Variants in SAXO1 observed in about 807,000 individuals in gnomAD.
SAXO1 encodes the protein stabilizer of axonemal microtubules 1, also known as 4930500O09Rik.
Under a neutral mutation model 17.5 loss-of-function variants are expected in SAXO1, and 21 were observed. The observed-to-expected ratio is 1.20, with a 90% CI of 0.85 to 1.72. The LOEUF is 1.72. SAXO1 is among the 40% of genes most tolerant of loss of function. The pLI is 0.00. For synonymous variants in SAXO1, 274 were observed against 216.5 expected (o/e 1.27, Z -2.33); for missense variants, 843 against 596.0 (o/e 1.41, Z -4.32).
At chr9:18,975,542 T>G (rs73431244) in intron 1 of SAXO1, among the ~76,000 whole-genome samples, 21,827 of 152,220 alleles carry the variant, frequency 0.14, 2,989 homozygotes, top group African/African-American at 0.36. Context: ...CAGGTGGCAG[T>G]TATGATTTGC....
intron 1 of SAXO1, among the ~76,000 whole-genome samples, chr9:18,962,653 G>A (rs1057481624): frequency 6.6e-6 from 1 of 150,978 alleles, no homozygotes; most frequent in South Asian, 2.1e-4. Context: ...CTTTTTGATG[G>A]GGTTGTATTT....
At chr9:19,013,623 T>C (rs571370957) in intron 1 of SAXO1, among the ~76,000 whole-genome samples, 122 of 138,456 alleles carry the variant, frequency 8.8e-4, no homozygotes, top group Non-Finnish European at 1.3e-3. Context: ...CTCCGCTCAC[T>C]GCAACCTCTG....
chr9:18,951,241 T>C (rs1183052967), intron 1 of SAXO1, among the ~76,000 whole-genome samples: 1 of 152,138 alleles, frequency 6.6e-6, no homozygotes, highest in East Asian at 1.9e-4. Context: ...GAGAAATGGC[T>C]GTGTCCCCAA....
chr9:19,041,086 T>G (rs894707770), intron 1 of SAXO1, among the ~76,000 whole-genome samples: 2 of 147,284 alleles, frequency 1.4e-5, no homozygotes, highest in African/African-American at 2.5e-5. Flanking sequence ...GATCAACAAA[T>G]ACAGTAACAT....
chr9:19,044,292 C>G (rs1441612563), intron 1 of SAXO1, among the ~76,000 whole-genome samples: 1 of 152,128 alleles, frequency 6.6e-6, no homozygotes, highest in African/African-American at 2.4e-5. Context: ...TATGTACCCA[C>G]AAAAATTAAA....
At chr9:19,018,177 AAAAC>A (rs371515538) in intron 1 of SAXO1, among the ~76,000 whole-genome samples, 95 of 152,168 alleles carry the variant, frequency 6.2e-4, no homozygotes, top group African/African-American at 1.7e-3. Flanking sequence ...CAAAAAAAAA[AAAAC>A]AAACAAACAA....
chr9:18,987,581 G>A (rs545696633), intron 1 of SAXO1, among the ~76,000 whole-genome samples: 56 of 152,248 alleles, frequency 3.7e-4, no homozygotes, highest in African/African-American at 1.3e-3. Context: ...GCAAGGGTGT[G>A]GGTAAGCAAG....
At chr9:18,988,552 G>C (rs144057453) in intron 1 of SAXO1, among the ~76,000 whole-genome samples, 2 of 152,282 alleles carry the variant, frequency 1.3e-5, no homozygotes, top group Non-Finnish European at 2.9e-5. Flanking sequence ...AGTTTATTAA[G>C]TTCTTTCATA....
rs367834317 is a variant in SAXO1, at chr9:18,928,992, G to A, written c.485C>T (p.Pro162Leu). 319 of 1,614,042 alleles carry A rather than the reference G, an allele frequency of 2.0e-4. 4 individuals carry two copies. Among genetic ancestry groups the A allele is most frequent in the South Asian group, 1.6e-3 (144 of 91,078 alleles). ...TCTGTTATCAAACCTGACTGATGCC[G>A]GCTGGTATTTGTGTTCCAGACGAAG... ...EPLRLEHKYQPASVRFDNRTT... is the reference protein window; with the variant it reads ...EPLRLEHKYQLASVRFDNRTT... The change falls in exon 4 of 4, where the codon CCG becomes CTG. Residue 162 changes from proline to leucine, a missense_variant. Pro to Leu is a moderately conservative substitution (Grantham distance 98). Transcript: ENST00000380534.
chr9:18,997,724 T>A (rs551569830), intron 1 of SAXO1, among the ~76,000 whole-genome samples: 1 of 152,266 alleles, frequency 6.6e-6, no homozygotes, highest in Admixed American at 6.5e-5. Context: ...GGCTGACAGA[T>A]ACTTCATACA....
intron 3 of SAXO1, among the ~76,000 whole-genome samples, chr9:18,933,772 C>T (rs896073591): frequency 6.6e-6 from 1 of 152,180 alleles, no homozygotes; most frequent in Non-Finnish European, 1.5e-5. Context: ...TTGGGCCGGG[C>T]ACGGTGGCTC....
intron 1 of SAXO1, among the ~76,000 whole-genome samples, chr9:18,994,643 C>T (rs571836637): frequency 2.6e-5 from 4 of 152,354 alleles, no homozygotes; most frequent in Admixed American, 2.6e-4. Context: ...ATGGAAACCG[C>T]CTGGGCTCAG....
intron 1 of SAXO1, among the ~76,000 whole-genome samples, chr9:19,024,554 T>G (rs138695118): frequency 1.3e-5 from 2 of 152,090 alleles, no homozygotes; most frequent in Admixed American, 6.5e-5. Flanking sequence ...GTAACTAACC[T>G]GCACGTTGTG....
chr9:18,988,408 T>C (rs1253931222), intron 1 of SAXO1, among the ~76,000 whole-genome samples: 1 of 152,238 alleles, frequency 6.6e-6, no homozygotes, highest in African/African-American at 2.4e-5. Context: ...AACCCCTAAA[T>C]GTCCTTCCAA....
chr9:19,007,914 T>C (rs1834550301), intron 1 of SAXO1, among the ~76,000 whole-genome samples: 1 of 152,094 alleles, frequency 6.6e-6, no homozygotes, highest in Non-Finnish European at 1.5e-5. Flanking sequence ...AAAGACAGAG[T>C]TGAATAGTCA....
chr9:19,004,095 A>G (rs1834395625), intron 1 of SAXO1, among the ~76,000 whole-genome samples: 1 of 152,244 alleles, frequency 6.6e-6, no homozygotes, highest in Non-Finnish European at 1.5e-5. Context: ...ACACTCCTCA[A>G]AAGAAGATAT....
intron 1 of SAXO1, chr9:19,027,161 G>A: frequency 1.2e-5 from 14 of 1,172,918 alleles, no homozygotes; most frequent in Non-Finnish European, 1.7e-5. Flanking sequence ...ATCAAGAGGA[G>A]GATGGTCCAA....
At chr9:18,940,795 A>G (rs1247593673) in intron 3 of SAXO1, among the ~76,000 whole-genome samples, 1 of 152,218 alleles carries the variant, frequency 6.6e-6, no homozygotes, top group Non-Finnish European at 1.5e-5. Flanking sequence ...CTAGGCTAGA[A>G]AGTCAAGGGC....
At chr9:19,033,397 G>A (rs991397608), upstream of SAXO1, 6 of 157,020 alleles carry the variant, frequency 3.8e-5, no homozygotes, top group African/African-American at 1.4e-4. Flanking sequence ...TGAAAAAGGT[G>A]GAAGTCACTA....
Sources: gnomAD v4.1 joint callset for allele counts (sites outside exome capture counted in the v4.1 genomes callset) on GRCh38, gnomAD v4.1.1 for gene constraint, MANE v1.5 for transcripts, NCBI Gene and HGNC (gene_info 2026-07-23, HGNC 2026-07-21) for gene names.